Variants in GRID2 observed in about 807,000 individuals in gnomAD.
The protein encoded by GRID2 is glutamate receptor ionotropic, delta-2.
A neutral mutation model predicts 114.8 loss-of-function variants in GRID2; 33 were observed. The ratio of observed to expected loss-of-function variants is 0.29; its 90% CI spans 0.22 to 0.38. The LOEUF (loss-of-function observed/expected upper bound fraction) is 0.38, where lower values mean the gene tolerates loss of function less well. Among genes scored for constraint, GRID2 ranks in the 10% least tolerant of loss-of-function variants. The probability of loss-of-function intolerance (pLI) is 1.00; values close to 1 mark genes in which losing one functional copy is unlikely to be tolerated. For synonymous variants in GRID2, 505 were observed against 449.9 expected, an observed-to-expected ratio of 1.12 and a Z score of -1.55; for missense variants, 1,184 against 1,257.7, an observed-to-expected ratio of 0.94 and a Z score of 0.89.
intron 14 of GRID2, among the ~76,000 whole-genome samples, chr4:93,755,079 A>G (rs551272566): frequency 6.6e-6 from 1 of 152,210 alleles, no homozygotes; most frequent in Non-Finnish European, 1.5e-5. Context: ...ATGAACTTGC[A>G]CAGGAATGGT....
intron 3 of GRID2, among the ~76,000 whole-genome samples, chr4:93,106,200 G>A (rs1162885313): frequency 2.6e-5 from 4 of 152,076 alleles, no homozygotes; most frequent in Non-Finnish European, 4.4e-5. Context: ...GCACCTTGAG[G>A]TCAGGAACCA....
chr4:93,172,910 ACTT>A (rs1170846788), intron 4 of GRID2, among the ~76,000 whole-genome samples: 1 of 151,900 alleles, frequency 6.6e-6, no homozygotes, highest in Non-Finnish European at 1.5e-5. Flanking sequence ...CACATCTTAA[ACTT>A]TTTTTTTTTT....
At chr4:93,128,266 T>C (rs890169796) in intron 4 of GRID2, among the ~76,000 whole-genome samples, 3 of 152,202 alleles carry the variant, frequency 2.0e-5, no homozygotes, top group East Asian at 1.9e-4. Flanking sequence ...TTATGGATTT[T>C]TGTCATATTT....
chr4:92,669,893 T>G (rs1337167182), intron 2 of GRID2, among the ~76,000 whole-genome samples: 1 of 152,052 alleles, frequency 6.6e-6, no homozygotes, highest in East Asian at 1.9e-4. Context: ...TATCATGATT[T>G]CTTGCATTCT....
chr4:93,369,209 T>G (rs1019391701), intron 8 of GRID2, among the ~76,000 whole-genome samples: 2 of 152,148 alleles, frequency 1.3e-5, no homozygotes, highest in African/African-American at 4.8e-5. Context: ...CTTTGATTTG[T>G]GGCAACATCA....
chr4:92,522,103 G>A (rs1724811968), intron 1 of GRID2, among the ~76,000 whole-genome samples: 1 of 151,808 alleles, frequency 6.6e-6, no homozygotes, highest in Non-Finnish European at 1.5e-5. Flanking sequence ...CAGTATTAAG[G>A]AGGAGCATAG....
At chr4:93,488,415 G>C (rs1360532446) in intron 11 of GRID2, among the ~76,000 whole-genome samples, 1 of 151,644 alleles carries the variant, frequency 6.6e-6, no homozygotes, top group Non-Finnish European at 1.5e-5. Context: ...ATAACCAAAG[G>C]GTGTACTTAC....
At chr4:92,521,046 G>A (rs1242626797) in intron 1 of GRID2, among the ~76,000 whole-genome samples, 18 of 151,808 alleles carry the variant, frequency 1.2e-4, no homozygotes, top group Admixed American at 1.1e-3. Context: ...CAATTTCACT[G>A]TTTTCAGAAC....
intron 6 of GRID2, among the ~76,000 whole-genome samples, chr4:93,219,569 TATAC>T (rs1744638461): frequency 6.6e-6 from 1 of 152,168 alleles, no homozygotes; most frequent in Admixed American, 6.6e-5. Context: ...CCTATTTTAA[TATAC>T]ATAGACAGAG....
chr4:93,349,211 T>G (rs774108091), intron 8 of GRID2, among the ~76,000 whole-genome samples: 3 of 152,136 alleles, frequency 2.0e-5, no homozygotes, highest in Non-Finnish European at 4.4e-5. Flanking sequence ...CATTTTCACA[T>G]GAAAATGAAA....
At chr4:93,259,989 C>G (rs891325219) in intron 8 of GRID2, among the ~76,000 whole-genome samples, 1 of 151,652 alleles carries the variant, frequency 6.6e-6, no homozygotes, top group Non-Finnish European at 1.5e-5. Flanking sequence ...GGTTTTCTCT[C>G]TTAGTTTTCA....
At chr4:93,337,793 C>T (rs2149241455) in intron 8 of GRID2, among the ~76,000 whole-genome samples, 1 of 152,306 alleles carries the variant, frequency 6.6e-6, no homozygotes, top group Non-Finnish European at 1.5e-5. Flanking sequence ...GTTTGCTTTA[C>T]ATTGAATTTT....
In GRID2 at chr4:92,676,394, ATGG is replaced by A. The variant is rs1456603535; in HGVS notation, c.244+86110_244+86112del. Among the ~76,000 whole-genome samples the A allele has an allele frequency of 4.0e-5, 6 of 151,898 alleles. No individual in the cohort carries two copies. In the East Asian group the frequency reaches 1.2e-3, roughly 30 times the overall value. On this transcript the variant is annotated intron_variant, in intron 2 of 15. Transcript: ENST00000282020. ...ACGGGGTTTCACTGTGTTAGCCAGG[ATGG>A]TCTCGATCTTCTGACCTCATGATCT...
intron 1 of GRID2, among the ~76,000 whole-genome samples, chr4:92,420,610 A>G (rs899124280): frequency 1.3e-5 from 2 of 152,140 alleles, no homozygotes; most frequent in Non-Finnish European, 2.9e-5. Context: ...ACAAAAATCA[A>G]TTACCAATTT....
At position 93,761,291 on chromosome 4, in the gene GRID2, T is replaced by G. The variant is rs74993539; in HGVS notation, c.2361-7919T>G. Among the ~76,000 whole-genome samples the G allele has an allele frequency of 7.0e-3, 1,063 of 152,332 alleles. 14 individuals are homozygous for G. Among genetic ancestry groups the G allele is most frequent in the African/African-American group, 0.024 (1,015 of 41,570 alleles). On this transcript the variant is annotated intron_variant, in intron 14 of 15. Coordinates refer to ENST00000282020, the MANE Select transcript of GRID2 (RefSeq NM_001510.4). ...TACTTTCCAATGATTGGACTTGCTA[T>G]ATCACTTAAGCCACCTCAACTTCAA...
intron 12 of GRID2, among the ~76,000 whole-genome samples, chr4:93,513,252 T>C (rs1729374189): frequency 6.6e-6 from 1 of 152,198 alleles, no homozygotes; most frequent in African/African-American, 2.4e-5. Flanking sequence ...TGTTATAACC[T>C]GTGTAGATAT....
At chr4:92,992,393 C>T (rs1044045162) in intron 2 of GRID2, among the ~76,000 whole-genome samples, 5 of 152,108 alleles carry the variant, frequency 3.3e-5, no homozygotes, top group Non-Finnish European at 7.4e-5. Context: ...TCTATGACCC[C>T]TGGAGCCTCA....
intron 14 of GRID2, among the ~76,000 whole-genome samples, chr4:93,705,740 T>C (rs1423493647): frequency 6.6e-6 from 1 of 152,180 alleles, no homozygotes; most frequent in African/African-American, 2.4e-5. Context: ...TGAGGTATTA[T>C]TCATAAAATC....
At chr4:93,040,465 A>G (rs1457362548) in intron 2 of GRID2, among the ~76,000 whole-genome samples, 3 of 152,164 alleles carry the variant, frequency 2.0e-5, no homozygotes, top group Admixed American at 6.5e-5. Flanking sequence ...TGTCAGAAGT[A>G]TACTGTAAAG....
Sources: allele counts gnomAD v4.1 joint callset (sites outside exome capture counted in the v4.1 genomes callset), GRCh38; gene constraint gnomAD v4.1.1; transcripts MANE v1.5; gene names NCBI Gene and HGNC (gene_info 2026-07-23, HGNC 2026-07-21).